ZCCHC2: variants seen among roughly 807,000 people sequenced by gnomAD.
The protein encoded by ZCCHC2 is zinc finger CCHC domain-containing protein 2.
A neutral mutation model predicts 103.6 loss-of-function variants in ZCCHC2; 39 were observed. The observed-to-expected ratio is 0.38, with a 90% confidence interval of 0.29 to 0.49. The LOEUF is 0.49. Among genes scored for constraint, ZCCHC2 ranks in the 20% least tolerant of loss-of-function variants. The probability of loss-of-function intolerance (pLI) is 0.96; values close to 1 mark genes in which losing one functional copy is unlikely to be tolerated. For missense variants in ZCCHC2, 1,483 were observed against 1,491.0 expected, an observed-to-expected ratio of 0.99 and a Z score of 0.09; for synonymous variants, 687 against 608.9, an observed-to-expected ratio of 1.13 and a Z score of -1.89.
Position 62,524,278 on chromosome 18 carries a change from A to G in ZCCHC2, c.854A>G (p.Glu285Gly). 1 of 1,549,326 alleles carries G rather than the reference A, an allele frequency of 6.5e-7. No individual in the cohort carries two copies. Among genetic ancestry groups the G allele is most frequent in the Non-Finnish European group, 8.7e-7 (1 of 1,146,496 alleles). Residue 285 changes from glutamate (E) to glycine (G), a missense_variant, in exon 1 of 14, where the codon GAG becomes GGG. Physicochemically the swap from Glu to Gly is moderately conservative, Grantham distance 98 (BLOSUM62 -2). Coordinates refer to ENST00000269499, the MANE Select transcript of ZCCHC2 (RefSeq NM_017742.6). ...HQRVTLREHL[E>G]RLRAALRGGP... ...CGGGTCACCCTGAGGGAACACTTGG[A>G]GAGGCTCCGCGCCGCGCTCCGCGGG...
intron 7 of ZCCHC2, among the ~76,000 whole-genome samples, chr18:62,558,993 G>A (rs889474551): frequency 6.6e-6 from 1 of 152,244 alleles, no homozygotes; most frequent in South Asian, 2.1e-4. Context: ...AATAAATGGT[G>A]TTGGCACAAT....
chr18:62,544,783 TG>T lies in ZCCHC2; in HGVS notation c.1129-18del. 1 of 1,483,120 alleles carries T rather than the reference TG, an allele frequency of 6.7e-7. No homozygotes were observed. The highest frequency in any genetic ancestry group is 1.3e-5 in the South Asian group (1 of 78,136). The allele number at this position is 1,483,120 out of a possible 1,614,324, so 91.9% of individuals were successfully genotyped here. The stretch of plus-strand genomic sequence containing the variant: ...GCCTAGGGAATAACCATATAATATG[TG>T]TGTTTTTTTTAAATCAGGTAAATTG... On this transcript the variant is annotated intron_variant, in intron 3 of 13. Transcript: ENST00000269499.
At chr18:62,539,025 TG>T (rs1188030061) in intron 1 of ZCCHC2, among the ~76,000 whole-genome samples, 2 of 152,196 alleles carry the variant, frequency 1.3e-5, no homozygotes, top group Admixed American at 1.3e-4. Context: ...ACAGTTTGTA[TG>T]TGACAGTGCT....
At chr18:62,561,123 T>C (rs1740557266) in intron 8 of ZCCHC2, among the ~76,000 whole-genome samples, 4 of 152,210 alleles carry the variant, frequency 2.6e-5, no homozygotes, top group Admixed American at 2.6e-4. Context: ...CCTGTGTCTC[T>C]GAGCATCCAC....
At chr18:62,566,915 A>G (rs1916391815) in intron 11 of ZCCHC2, among the ~76,000 whole-genome samples, 1 of 152,256 alleles carries the variant, frequency 6.6e-6, no homozygotes, top group Non-Finnish European at 1.5e-5. Flanking sequence ...AATAAATTAG[A>G]GGGAAACATA....
intron 5 of ZCCHC2, among the ~76,000 whole-genome samples, chr18:62,550,952 C>T (rs1915638089): frequency 6.6e-6 from 1 of 152,090 alleles, no homozygotes; most frequent in African/African-American, 2.4e-5. Context: ...GAAAGATGCG[C>T]TTAGATGAGA....
intron 12 of ZCCHC2, among the ~76,000 whole-genome samples, chr18:62,572,099 T>G (rs1265601581): frequency 6.6e-6 from 1 of 152,192 alleles, no homozygotes; most frequent in African/African-American, 2.4e-5. Flanking sequence ...TTTAAATTTA[T>G]GAGACAGGGT....
At chr18:62,579,470 TTGTCAGGAG>T (rs1244127074), downstream of ZCCHC2, among the ~76,000 whole-genome samples, 1 of 152,202 alleles carries the variant, frequency 6.6e-6, no homozygotes, top group Non-Finnish European at 1.5e-5. Context: ...CCTTGGCTCT[TTGTCAGGAG>T]CCATCTAATG....
Position 62,559,847 on chromosome 18 carries a change from A to AGTATTTGG in ZCCHC2, c.1493-738_1493-731dup, listed in dbSNP as rs200674190. ...TGGGTTTAACCAACTGTGAGCTGAA[A>AGTATTTGG]GTATTTGGGGGAAAAAATTCTTTTT... On this transcript the variant is annotated intron_variant, in intron 7 of 13. Coordinates refer to ENST00000269499, the MANE Select transcript of ZCCHC2 (RefSeq NM_017742.6). 7.3e-3 allele frequency among the ~76,000 whole-genome samples: 1,108 copies of AGTATTTGG among 152,360 alleles called. 15 individuals carry two copies. The highest frequency in any genetic ancestry group is 0.025 in the African/African-American group (1,047 of 41,576).
Position 62,574,426 on chromosome 18 carries a change from C to G in ZCCHC2, c.2345C>G (p.Ser782Trp). 1.2e-6 allele frequency: 2 copies of G among 1,613,940 alleles called. No homozygotes were observed. Among genetic ancestry groups the G allele is most frequent in the South Asian group, 1.1e-5 (1 of 91,076 alleles). The change falls in exon 13 of 14, where the codon TCG becomes TGG. Residue 782 changes from serine (S) to tryptophan (W), a missense_variant. Ser to Trp is a radical substitution (Grantham distance 177, BLOSUM62 -3). Around this residue, in one of 3 missense-constraint regions of ZCCHC2, gnomAD observed 884 missense variants for 907.5 expected, o/e 0.97. Transcript: ENST00000269499. ...ILGPTACTGE[S>W]EKHLELLASP... ...GGGCCAACAGCTTGCACTGGAGAAT[C>G]GGAAAAGCACCTTGAGTTACTGGCT...
In ZCCHC2 at chr18:62,548,797, C is replaced by T. The variant is rs139180343; in HGVS notation, c.1201-1551C>T. Among the ~76,000 whole-genome samples the T allele has an allele frequency of 1.8e-4, 27 of 152,238 alleles. No homozygotes were observed. The East Asian group carries it at 5.0e-3, about 28-fold the overall frequency. The stretch of plus-strand genomic sequence containing the variant: ...AAAATTAGCCAGGGGTGGTGGTACA[C>T]GTCTGTAATCCCAGGTACTCAGGAG... On this transcript the variant is annotated intron_variant, in intron 4 of 13. Coordinates refer to ENST00000269499, the MANE Select transcript of ZCCHC2 (RefSeq NM_017742.6).
At chr18:62,560,830 G>T (rs1311580376) in intron 8 of ZCCHC2, among the ~76,000 whole-genome samples, 186 bp downstream of exon 8, 4 of 149,912 alleles carry the variant, frequency 2.7e-5, no homozygotes, top group Admixed American at 2.0e-4. Flanking sequence ...TTCTTCTGTG[G>T]TTTTTTTTTG....
intron 8 of ZCCHC2, 93 bp downstream of exon 8, chr18:62,560,737 T>A: frequency 2.0e-6 from 2 of 1,014,854 alleles, no homozygotes; most frequent in Non-Finnish European, 2.9e-6. Context: ...TGGCTATAAT[T>A]CTGTCATTTT....
At chr18:62,535,923 TAAAA>T (rs780543115) in intron 1 of ZCCHC2, among the ~76,000 whole-genome samples, 3 of 152,216 alleles carry the variant, frequency 2.0e-5, no homozygotes, top group Non-Finnish European at 2.9e-5. Flanking sequence ...TTTTAAAAAA[TAAAA>T]AACTCTTACT....
chr18:62,528,883 A>G (rs1329447207), intron 1 of ZCCHC2, among the ~76,000 whole-genome samples: 1 of 152,144 alleles, frequency 6.6e-6, no homozygotes, highest in African/African-American at 2.4e-5. Context: ...TTTTTTGGCC[A>G]GGCGCAGTGG....
At position 62,564,157 on chromosome 18, in the gene ZCCHC2, C is replaced by T. The variant is rs1385418991; in HGVS notation, c.1687-414C>T. On this transcript the variant is annotated intron_variant, in intron 9 of 13. Coordinates refer to ENST00000269499, the MANE Select transcript of ZCCHC2 (RefSeq NM_017742.6). ...CATAATTAGTGACCTATTTTCAAAG[C>T]CCGTCTGAGTTTACTTTCCCTCCCC... is the stretch of plus-strand genomic sequence containing the variant. Among the ~76,000 whole-genome samples, 5 of 152,272 alleles carry T rather than the reference C, an allele frequency of 3.3e-5. No homozygotes were observed. The East Asian group carries it at 9.6e-4, about 29-fold the overall frequency.
chr18:62,564,658 C>G, intron 10 of ZCCHC2, 23 bp downstream of exon 10: 1 of 1,504,268 alleles, frequency 6.6e-7, no homozygotes. Context: ...TAAGGAAAGA[C>G]AGCATATAGC....
chr18:62,561,213 T>A (rs912692775), intron 8 of ZCCHC2, among the ~76,000 whole-genome samples: 8 of 152,230 alleles, frequency 5.3e-5, no homozygotes, highest in African/African-American at 1.7e-4. Context: ...TGCACTCAAA[T>A]TTTTATCTGG....
downstream of ZCCHC2, among the ~76,000 whole-genome samples, chr18:62,582,144 T>C (rs975995175): frequency 6.6e-6 from 1 of 152,122 alleles, no homozygotes; most frequent in African/African-American, 2.4e-5. Flanking sequence ...AAATGGGAAG[T>C]TTCCAAGTTT....
Sources: gnomAD v4.1 joint callset for allele counts (sites outside exome capture counted in the v4.1 genomes callset) on GRCh38, gnomAD v4.1.1 for gene constraint, gnomAD v4.1.1 regional missense constraint, MANE v1.5 for transcripts, NCBI Gene and HGNC (gene_info 2026-07-23, HGNC 2026-07-21) for gene names.